Variants in WDR33 observed in about 807,000 individuals in gnomAD.
The protein encoded by WDR33 is WD repeat domain 33.
WDR33 carries 47 observed loss-of-function variants against 164.9 expected under a neutral mutation model. The observed-to-expected ratio is 0.29, with a 90% confidence interval of 0.23 to 0.36. WDR33 has a LOEUF of 0.36. Ranked by LOEUF, WDR33 falls within the 10% of genes least tolerant of loss-of-function variation. The pLI is 1.00. For synonymous variants in WDR33, 505 were observed against 589.0 expected, an observed-to-expected ratio of 0.86 and a Z score of 2.06; for missense variants, 1,137 against 1,754.1, an observed-to-expected ratio of 0.65 and a Z score of 6.28.
intron 1 of WDR33, among the ~76,000 whole-genome samples, chr2:127,774,976 G>A (rs577524358): frequency 7.2e-5 from 11 of 152,316 alleles, no homozygotes; most frequent in African/African-American, 2.2e-4. Flanking sequence ...GCCACGGGCT[G>A]GGGAATGAGA....
chr2:127,805,079 T>C (rs895086185), intron 1 of WDR33, among the ~76,000 whole-genome samples: 10 of 133,598 alleles, frequency 7.5e-5, no homozygotes, highest in South Asian at 2.6e-4. Flanking sequence ...TTTTTTTTTT[T>C]TTTTTTTTTT....
At chr2:127,729,346 ACTG>A (rs1196721034) in intron 7 of WDR33, among the ~76,000 whole-genome samples, 1 of 152,230 alleles carries the variant, frequency 6.6e-6, no homozygotes, top group Non-Finnish European at 1.5e-5. Flanking sequence ...ACTATGTGAT[ACTG>A]CTTTCTTAGA....
chr2:127,726,214 G>A lies in WDR33; in HGVS notation c.851+437C>T, dbSNP rs1686569421. On this transcript the variant is annotated intron_variant, in intron 8 of 21. Coordinates refer to ENST00000322313, the MANE Select transcript of WDR33 (RefSeq NM_018383.5). The surrounding 1 kb of genome is among the most constrained non-coding windows in gnomAD (Gnocchi z 4.8). ...ACTAGATTACATAGCTGCATCGTAA[G>A]TAAGCCCATCAGACAAAAAATGAGA... Among the ~76,000 whole-genome samples the A allele has an allele frequency of 6.6e-6, 1 of 152,192 alleles. No homozygotes were observed. Among genetic ancestry groups the A allele is most frequent in the Non-Finnish European group, 1.5e-5 (1 of 68,040 alleles).
chr2:127,788,169 C>G (rs1688670878), intron 1 of WDR33, among the ~76,000 whole-genome samples: 1 of 108,820 alleles, frequency 9.2e-6, no homozygotes, highest in African/African-American at 3.9e-5. Context: ...CCTCACCTCC[C>G]AGACGGGGCG....
At chr2:127,775,665 A>G (rs2105451669) in intron 1 of WDR33, among the ~76,000 whole-genome samples, 1 of 152,360 alleles carries the variant, frequency 6.6e-6, no homozygotes, top group East Asian at 1.9e-4. Context: ...ATTGTTACTT[A>G]CACTCTTTGG....
At chr2:127,736,742 T>G (rs771754166) in intron 7 of WDR33, 42 of 985,456 alleles carry the variant, frequency 4.3e-5, no homozygotes, top group Non-Finnish European at 5.1e-5. Context: ...CAAATTCTTA[T>G]GACTATATGG....
At chr2:127,788,362 A>C (rs1688688774) in intron 1 of WDR33, among the ~76,000 whole-genome samples, 2 of 93,678 alleles carry the variant, frequency 2.1e-5, no homozygotes, top group Admixed American at 2.1e-4. Context: ...ACTTCCCAGT[A>C]GGGGCGGCCG....
At chr2:127,781,775 G>A (rs745379504) in intron 1 of WDR33, among the ~76,000 whole-genome samples, 12 of 151,882 alleles carry the variant, frequency 7.9e-5, no homozygotes, top group Non-Finnish European at 1.8e-4. Context: ...GAGGTAGGCA[G>A]ATCACCTGAG....
At chr2:127,762,598 A>G in intron 7 of WDR33, 2 of 987,244 alleles carry the variant, frequency 2.0e-6, no homozygotes, top group Non-Finnish European at 2.4e-6. Context: ...TGTAGTACAA[A>G]TGTGGTGTAC....
chr2:127,701,591 G>A lies in WDR33; in HGVS notation c.*4732C>T, dbSNP rs754863432. ...CGCAGGGGAAAGCTGGCGGCCCGGC[G>A]GCCGCGGAGCCGCTGCTCGCCGCGG... On this transcript the variant is annotated 3_prime_UTR_variant, in exon 22 of 22. Transcript: ENST00000322313. The A allele has an allele frequency of 5.4e-5, 73 of 1,358,520 alleles. No homozygotes were observed. The Middle Eastern group carries it at 1.4e-3, about 26-fold the overall frequency. 84.2% of individuals were successfully genotyped at this position (1,358,520 alleles called of 1,614,324 possible).
chr2:127,774,449 G>A (rs572202273), intron 1 of WDR33, among the ~76,000 whole-genome samples: 2 of 152,164 alleles, frequency 1.3e-5, no homozygotes, highest in Admixed American at 1.3e-4. Flanking sequence ...TATAAAATGA[G>A]AATAGATTTT....
intron 7 of WDR33, among the ~76,000 whole-genome samples, chr2:127,750,385 A>G (rs1687289790): frequency 1.3e-5 from 2 of 151,714 alleles, no homozygotes; most frequent in Admixed American, 1.3e-4. Flanking sequence ...AGTAGCTCAC[A>G]CCAGTAATCC....
intron 7 of WDR33, among the ~76,000 whole-genome samples, chr2:127,729,170 A>C (rs1339113993): frequency 6.6e-6 from 1 of 152,230 alleles, no homozygotes; most frequent in Non-Finnish European, 1.5e-5. Context: ...ACAAATACTT[A>C]TGTATAGCGT....
chr2:127,762,617 C>A, intron 7 of WDR33: 3 of 987,898 alleles, frequency 3.0e-6, no homozygotes, highest in Non-Finnish European at 3.6e-6. Context: ...ACTGAAAAAC[C>A]AACTGCTTTC....
At chr2:127,790,982 G>A (rs186951247) in intron 1 of WDR33, among the ~76,000 whole-genome samples, 3 of 151,832 alleles carry the variant, frequency 2.0e-5, no homozygotes, top group African/African-American at 7.2e-5. Context: ...TCCTGATATT[G>A]TTCACTTGGG....
chr2:127,764,906 C>T lies in WDR33; in HGVS notation c.548G>A (p.Gly183Glu). 1 of 1,614,206 alleles carries T rather than the reference C, an allele frequency of 6.2e-7. No individual in the cohort carries two copies. The highest frequency in any genetic ancestry group is 8.5e-7 in the Non-Finnish European group (1 of 1,180,032). ...DMWMLTADHG[G>E]YVKYWQSNMN... ...GTTCGACTGCCAATATTTCACATAT[C>T]CTCCGTGGTCTGCTGTCAACATCCA... Residue 183 changes from glycine to glutamate, a missense_variant, in exon 6 of 22, where the codon GGA (glycine) becomes GAA (glutamate). Gly to Glu is a moderately conservative substitution (Grantham distance 98). Around this residue, in one of 9 missense-constraint regions of WDR33, gnomAD observed 10 missense variants for 87.7 expected, o/e 0.11. Transcript: ENST00000322313. The surrounding 1 kb of genome is among the most constrained non-coding windows in gnomAD (Gnocchi z 6.2).
chr2:127,722,737 C>T lies in WDR33; in HGVS notation c.1379-7G>A. On this transcript the variant is annotated splice_polypyrimidine_tract_variant and splice_region_variant and intron_variant, in intron 13 of 21. Transcript: ENST00000322313. This position sits in a 1 kb window ranked among gnomAD's most constrained non-coding sequence, Gnocchi z 5.1. ...TCATTTGATTCATCTTTCCCTGTAA[C>T]CGTAAAGAAAAGTGGTTTGCCTCTT... 1 of 1,612,776 alleles carries T rather than the reference C, an allele frequency of 6.2e-7. No individual in the cohort carries two copies. Among genetic ancestry groups the T allele is most frequent in the Non-Finnish European group, 8.5e-7 (1 of 1,179,560 alleles).
At chr2:127,734,859 C>A (rs561523012) in intron 7 of WDR33, among the ~76,000 whole-genome samples, 1 of 152,118 alleles carries the variant, frequency 6.6e-6, no homozygotes, top group Non-Finnish European at 1.5e-5. Context: ...ACTCTCTCCC[C>A]CTTTTAAAAT....
At chr2:127,740,139 T>C (rs989510577) in intron 7 of WDR33, among the ~76,000 whole-genome samples, 1 of 152,194 alleles carries the variant, frequency 6.6e-6, no homozygotes, top group Non-Finnish European at 1.5e-5. Flanking sequence ...TAGACTACAA[T>C]GCCACCTCCA....
Sources: gnomAD v4.1 joint callset for allele counts (sites outside exome capture counted in the v4.1 genomes callset) on GRCh38, gnomAD v4.1.1 for gene constraint, gnomAD v4.1.1 regional missense constraint, Gnocchi (gnomAD v3.1) non-coding constraint, MANE v1.5 for transcripts, NCBI Gene and HGNC (gene_info 2026-07-23, HGNC 2026-07-21) for gene names.